PTGFRN: variants seen among roughly 807,000 people sequenced by gnomAD.
PTGFRN encodes prostaglandin F2 receptor negative regulator.
Under a neutral mutation model 83.2 loss-of-function variants are expected in PTGFRN, and 35 were observed. The ratio of observed to expected loss-of-function variants is 0.42; its 90% CI spans 0.32 to 0.56. The LOEUF (loss-of-function observed/expected upper bound fraction) is 0.56, where lower values mean the gene tolerates loss of function less well. Ranked by LOEUF, PTGFRN falls within the 20% of genes least tolerant of loss-of-function variation. PTGFRN has a pLI of 0.11. For synonymous variants in PTGFRN, 519 were observed against 498.6 expected (o/e 1.04, Z -0.55); for missense variants, 1,051 against 1,179.5 (o/e 0.89, Z 1.60).
intron 7 of PTGFRN, among the ~76,000 whole-genome samples, chr1:116,983,869 A>G (rs1651389410): frequency 6.6e-6 from 1 of 152,204 alleles, no homozygotes; most frequent in Admixed American, 6.5e-5. Context: ...ACAGCTGATA[A>G]TGGTTGGTAC....
chr1:116,930,820 T>C (rs1649777817), intron 1 of PTGFRN, among the ~76,000 whole-genome samples: 1 of 152,302 alleles, frequency 6.6e-6, no homozygotes, highest in African/African-American at 2.4e-5. Context: ...CCTGCCTGTG[T>C]CCCCCGTGGC....
At chr1:116,966,066 A>G (rs1650820941) in intron 5 of PTGFRN, among the ~76,000 whole-genome samples, 1 of 152,370 alleles carries the variant, frequency 6.6e-6, no homozygotes, top group Admixed American at 6.5e-5. Context: ...TATAGGATTA[A>G]TCATCTTATT....
intron 1 of PTGFRN, among the ~76,000 whole-genome samples, chr1:116,920,812 C>T (rs1480236853): frequency 1.3e-5 from 2 of 152,160 alleles, no homozygotes; most frequent in South Asian, 2.1e-4. Context: ...CTAGTAGAGA[C>T]GGGGCTTCAC....
chr1:116,979,224 C>G (rs1391075712), intron 7 of PTGFRN, among the ~76,000 whole-genome samples: 1 of 152,106 alleles, frequency 6.6e-6, no homozygotes, highest in African/African-American at 2.4e-5. Flanking sequence ...TAAAACAGGA[C>G]AGAAACAAAT....
At chr1:116,967,576 C>G (rs1246363221) in intron 6 of PTGFRN, among the ~76,000 whole-genome samples, 1 of 152,206 alleles carries the variant, frequency 6.6e-6, no homozygotes, top group Non-Finnish European at 1.5e-5. Flanking sequence ...CCAATACCCT[C>G]CATTCACACT....
intron 3 of PTGFRN, among the ~76,000 whole-genome samples, chr1:116,948,721 A>C (rs1410799393): frequency 6.6e-6 from 1 of 152,230 alleles, no homozygotes; most frequent in Non-Finnish European, 1.5e-5. Flanking sequence ...GTATAATTTT[A>C]GTTTTACAGT....
At chr1:116,925,325 G>A (rs1430761290) in intron 1 of PTGFRN, among the ~76,000 whole-genome samples, 2 of 152,046 alleles carry the variant, frequency 1.3e-5, no homozygotes, top group East Asian at 3.9e-4. Flanking sequence ...CTACTCGGAG[G>A]TTGAGGCATG....
chr1:116,925,641 C>A (rs1649639462), intron 1 of PTGFRN, among the ~76,000 whole-genome samples: 1 of 152,080 alleles, frequency 6.6e-6, no homozygotes, highest in South Asian at 2.1e-4. Context: ...TCTGTTTTTT[C>A]CTGATTCTGC....
chr1:116,977,448 C>T (rs1651189147), intron 7 of PTGFRN, among the ~76,000 whole-genome samples: 1 of 152,136 alleles, frequency 6.6e-6, no homozygotes, highest in African/African-American at 2.4e-5. Flanking sequence ...CGCACTTATT[C>T]CAAAATTTAC....
At chr1:116,946,868 G>A (rs1650214240) in intron 3 of PTGFRN, among the ~76,000 whole-genome samples, 1 of 152,186 alleles carries the variant, frequency 6.6e-6, no homozygotes. Context: ...TAATAAGATA[G>A]TGGCAGGCTT....
At chr1:116,930,966 A>G (rs11583252) in intron 1 of PTGFRN, among the ~76,000 whole-genome samples, 24,356 of 152,134 alleles carry the variant, frequency 0.16, 2,714 homozygotes, top group African/African-American at 0.32. Flanking sequence ...GAAGCTTTTT[A>G]TGAATCCCTT....
chr1:116,932,410 G>A (rs1029466533), intron 1 of PTGFRN, among the ~76,000 whole-genome samples: 26 of 152,244 alleles, frequency 1.7e-4, no homozygotes, highest in South Asian at 6.2e-4. Flanking sequence ...AATGGTAATC[G>A]GGAAACAATT....
chr1:116,967,312 A>G lies in PTGFRN; in HGVS notation c.2041A>G (p.Ile681Val), dbSNP rs770401854. 3.1e-6 allele frequency: 5 copies of G among 1,611,176 alleles called. No homozygotes were observed. Among genetic ancestry groups the G allele is most frequent in the Non-Finnish European group, 3.4e-6 (4 of 1,177,474 alleles). Residue 681 changes from isoleucine to valine, a missense_variant, in exon 6 of 9, where the codon ATA (isoleucine) becomes GTA (valine). Transcript: ENST00000393203. Reference sequence around the variant, plus strand: ...AACCAGTCTCTCCAATCCTATTGAGATAGACTTCCAAACCTCAGGTGAGCA... The same window carrying G: ...AACCAGTCTCTCCAATCCTATTGAGGTAGACTTCCAAACCTCAGGTGAGCA... ...AATSLSNPIE[I>V]DFQTSGPIFN...
At chr1:116,934,483 A>G (rs936732956) in intron 1 of PTGFRN, among the ~76,000 whole-genome samples, 1 of 151,834 alleles carries the variant, frequency 6.6e-6, no homozygotes, top group East Asian at 1.9e-4. Context: ...TCTGCTGCCA[A>G]ACCTATTTAT....
chr1:116,974,302 G>A lies in PTGFRN; in HGVS notation c.2146G>A (p.Glu716Lys), dbSNP rs779207353. 3.9e-5 allele frequency: 63 copies of A among 1,610,750 alleles called. No individual in the cohort carries two copies. Among genetic ancestry groups the A allele is most frequent in the Middle Eastern group, 3.3e-4 (2 of 6,080 alleles). The change falls in exon 7 of 9, where the codon GAG (glutamate) becomes AAG (lysine). Residue 716 changes from glutamate to lysine, a missense_variant. Around this residue, in one of 3 missense-constraint regions of PTGFRN, gnomAD observed 719 missense variants for 836.6 expected, o/e 0.86. Coordinates refer to ENST00000393203, the MANE Select transcript of PTGFRN (RefSeq NM_020440.4). ...LIKLFCIITV[E>K]GAALDPDDMA... ...CAAATTGTTCTGTATCATCACTGTC[G>A]AGGGAGCAGCACTGGATCCAGGTAC...
At chr1:116,926,954 G>A (rs929070316) in intron 1 of PTGFRN, among the ~76,000 whole-genome samples, 1 of 152,192 alleles carries the variant, frequency 6.6e-6, no homozygotes, top group Non-Finnish European at 1.5e-5. Context: ...GCGTGAAGAG[G>A]AATCTGGAAA....
At chr1:116,978,616 A>G (rs1651225350) in intron 7 of PTGFRN, among the ~76,000 whole-genome samples, 1 of 152,234 alleles carries the variant, frequency 6.6e-6, no homozygotes, top group Non-Finnish European at 1.5e-5. Context: ...AACCAAAGAC[A>G]AAAACCACAT....
At chr1:116,962,150 T>C (rs910132934) in intron 5 of PTGFRN, among the ~76,000 whole-genome samples, 1 of 152,148 alleles carries the variant, frequency 6.6e-6, no homozygotes, top group Non-Finnish European at 1.5e-5. Flanking sequence ...TAAAAATATC[T>C]AGCTTCGAAT....
rs1297344051 is a variant in PTGFRN, at chr1:116,944,953, CCT to C, written c.697_698del (p.Ser235ProfsTer56). 1 of 1,613,590 alleles carries C rather than the reference CCT, an allele frequency of 6.2e-7. No individual in the cohort carries two copies. The highest frequency in any genetic ancestry group is 1.7e-5 in the Admixed American group (1 of 60,024). ...ACACCGTGGGCAGCGACGCCTACCG[CCT>C]CTCAGTGTCCCGGGCTCTGTCTGCC... ...LDTVGSDAYR[L>X]SVSRALSADQ... On this transcript the variant is annotated frameshift_variant, in exon 3 of 9. Coordinates refer to ENST00000393203, the MANE Select transcript of PTGFRN (RefSeq NM_020440.4). LOFTEE classifies it high-confidence loss of function.
Sources: gnomAD v4.1 joint callset for allele counts (sites outside exome capture counted in the v4.1 genomes callset) on GRCh38, gnomAD v4.1.1 for gene constraint, gnomAD v4.1.1 regional missense constraint, MANE v1.5 for transcripts, NCBI Gene and HGNC (gene_info 2026-07-23, HGNC 2026-07-21) for gene names.